Variants in CD163L1 observed in about 807,000 individuals in gnomAD.
CD163L1 encodes CD163 molecule like 1.
In CD163L1, 124 loss-of-function variants were observed where a neutral mutation model predicts 165.4. That is an observed-to-expected ratio of 0.75 (90% CI 0.65 to 0.87). CD163L1 has a LOEUF of 0.87. Among genes scored for constraint, CD163L1 ranks in the 40% least tolerant of loss-of-function variants. The pLI, the probability that CD163L1 is intolerant of heterozygous loss-of-function variation, is 0.00. For synonymous variants in CD163L1, 585 were observed against 662.2 expected, an observed-to-expected ratio of 0.88 and a Z score of 1.79; for missense variants, 1,525 against 1,799.9, an observed-to-expected ratio of 0.85 and a Z score of 2.76.
At chr12:7,410,208 G>T (rs1329693545) in intron 4 of CD163L1, among the ~76,000 whole-genome samples, 1 of 152,092 alleles carries the variant, frequency 6.6e-6, no homozygotes, top group Non-Finnish European at 1.5e-5. Flanking sequence ...GGAAAAAAAG[G>T]TTTCAAGAGG....
the CD163L1 span, among the ~76,000 whole-genome samples, chr12:7,340,352 C>T: frequency 6.6e-6 from 1 of 151,998 alleles, no homozygotes; most frequent in Admixed American, 6.6e-5. Flanking sequence ...TTTGGGTTGT[C>T]GCCTCCCCAC....
chr12:7,372,759 A>G lies in CD163L1; in HGVS notation c.3730+561T>C, dbSNP rs955606528. Among the ~76,000 whole-genome samples, 1 of 151,922 alleles carries G rather than the reference A, an allele frequency of 6.6e-6. No individual in the cohort carries two copies. Among genetic ancestry groups the G allele is most frequent in the Non-Finnish European group, 1.5e-5 (1 of 67,928 alleles). On this transcript the variant is annotated intron_variant, in intron 14 of 19. Transcript: ENST00000313599. This position sits in a 1 kb window ranked among gnomAD's most constrained non-coding sequence, Gnocchi z 4.2. Reference sequence around the variant, plus strand: ...TAGTTAATGTTTCTGAATATTAGTAATGGTTATTTTTGATAATCAGATTAA... The same window carrying G: ...TAGTTAATGTTTCTGAATATTAGTAGTGGTTATTTTTGATAATCAGATTAA...
the CD163L1 span, among the ~76,000 whole-genome samples, chr12:7,321,726 G>A: frequency 6.6e-6 from 1 of 152,200 alleles, no homozygotes; most frequent in Non-Finnish European, 1.5e-5. Context: ...TAAGGCTAGT[G>A]GTTAAAAGCT....
At chr12:7,420,134 T>C (rs773686757) in intron 4 of CD163L1, among the ~76,000 whole-genome samples, 1 of 152,188 alleles carries the variant, frequency 6.6e-6, no homozygotes, top group South Asian at 2.1e-4. Flanking sequence ...CAAATGGTAC[T>C]GGGATAATTG....
At chr12:7,378,008 T>C (rs535579906) in intron 9 of CD163L1, among the ~76,000 whole-genome samples, 49 of 152,286 alleles carry the variant, frequency 3.2e-4, no homozygotes, top group Middle Eastern at 3.4e-3. Flanking sequence ...CCCTCTTCAT[T>C]TGATGACTGC....
intron 4 of CD163L1, among the ~76,000 whole-genome samples, chr12:7,348,850 CTG>C (rs988480030): frequency 7.0e-6 from 1 of 142,048 alleles, no homozygotes; most frequent in African/African-American, 2.6e-5. Flanking sequence ...TTTTCAAAAA[CTG>C]AGTACTTTGG....
In CD163L1 at chr12:7,409,286, C is replaced by G. The variant is rs1948086786; in HGVS notation, c.767-2434G>C. Among the ~76,000 whole-genome samples the G allele has an allele frequency of 4.6e-5, 7 of 151,982 alleles. No homozygotes were observed. In the South Asian group the frequency reaches 1.5e-3, roughly 32 times the overall value. ...TGTATACTAATTTATGTAAAATCTGCCTAAATGTAGCACACAAAGTTCAGA... is the reference window on the plus strand; with the variant it reads ...TGTATACTAATTTATGTAAAATCTGGCTAAATGTAGCACACAAAGTTCAGA... On this transcript the variant is annotated intron_variant, in intron 4 of 19. Transcript: ENST00000313599.
At position 7,374,760 on chromosome 12, in the gene CD163L1, A is replaced by G; in HGVS notation, c.3095-4T>C. 2 of 1,613,726 alleles carry G rather than the reference A, an allele frequency of 1.2e-6. No individual in the cohort carries two copies. Among genetic ancestry groups the G allele is most frequent in the African/African-American group, 1.3e-5 (1 of 75,038 alleles). On this transcript the variant is annotated splice_region_variant and splice_polypyrimidine_tract_variant and intron_variant, in intron 12 of 19. Transcript: ENST00000313599. This position sits in a 1 kb window ranked among gnomAD's most constrained non-coding sequence, Gnocchi z 5.4. Reference sequence around the variant, plus strand: ...ACTAGGCGGAGCCGTTTGTCCTCTTAGAGGAGAAAGTCCAGTTAATAGGTC... The same window carrying G: ...ACTAGGCGGAGCCGTTTGTCCTCTTGGAGGAGAAAGTCCAGTTAATAGGTC...
At chr12:7,422,076 A>C (rs1350148370) in intron 4 of CD163L1, among the ~76,000 whole-genome samples, 3 of 152,094 alleles carry the variant, frequency 2.0e-5, no homozygotes, top group Non-Finnish European at 4.4e-5. Context: ...CTCTGGGACA[A>C]AGCTTCTAGA....
intron 2 of CD163L1, among the ~76,000 whole-genome samples, chr12:7,435,009 G>T (rs1202540966): frequency 2.6e-5 from 4 of 151,972 alleles, no homozygotes; most frequent in African/African-American, 7.2e-5. Flanking sequence ...TAGTTGAAAT[G>T]TGTGTGAGGG....
At position 7,347,220 on chromosome 12, in the gene CD163L1, T is replaced by A. The variant is rs890156789; in HGVS notation, c.*25-73A>T. On this transcript the variant is annotated intron_variant, in intron 4 of 4. Coordinates refer to the CD163L1 transcript ENST00000539726. This position sits in a 1 kb window ranked among gnomAD's most constrained non-coding sequence, Gnocchi z 4.2. ...TGTCTACAATTGCAATAGCTTTCAG[T>A]TCATTTCTCTAAAATTGTGTTTACT... 9 of 152,208 alleles carry A rather than the reference T, an allele frequency of 5.9e-5. No homozygotes were observed. The highest frequency in any genetic ancestry group is 8.8e-5 in the Non-Finnish European group (6 of 68,036). 9.4% of individuals were successfully genotyped at this position (152,208 alleles called of 1,614,324 possible). A position where few individuals can be genotyped will look rare whatever the true frequency, so the allele number is the denominator to read the frequency against.
intron 7 of CD163L1, 44 bp from the exon 8 acceptor site, chr12:7,396,459 T>C (rs1437980819): frequency 1.3e-6 from 2 of 1,509,942 alleles, no homozygotes; most frequent in Non-Finnish European, 1.8e-6. Flanking sequence ...GGTGTGATGG[T>C]TTATTTTATA....
intron 9 of CD163L1, 41 bp from the exon 10 acceptor site, chr12:7,376,055 C>T: frequency 6.4e-7 from 1 of 1,551,386 alleles, no homozygotes; most frequent in Non-Finnish European, 8.7e-7. Context: ...TAGGGTTTTC[C>T]AATATCTATC....
chr12:7,376,939 G>A (rs916371233), intron 9 of CD163L1, among the ~76,000 whole-genome samples: 1 of 152,068 alleles, frequency 6.6e-6, no homozygotes, highest in Non-Finnish European at 1.5e-5. Context: ...GATGTATCAG[G>A]TTAAATCAGT....
At position 7,394,107 on chromosome 12, in the gene CD163L1, AAAAAAAC is replaced by A. The variant is rs1254103420; in HGVS notation, c.2050+1981_2050+1987del. Among the ~76,000 whole-genome samples, 1,466 of 147,234 alleles carry A rather than the reference AAAAAAAC, an allele frequency of 1.0e-2. 28 individuals carry two copies. Among genetic ancestry groups the A allele is most frequent in the African/African-American group, 0.036 (1,361 of 37,948 alleles). On this transcript the variant is annotated intron_variant, in intron 8 of 19. Transcript: ENST00000313599. ...TATGGAACCAAAAAAAAACAAAAAC[AAAAAAAC>A]AAAAAAAAAATCACATAGCCAAGAC...
At position 7,425,157 on chromosome 12, in the gene CD163L1, C is replaced by A. The variant is rs748477830; in HGVS notation, c.766+7259G>T. 5.9e-5 allele frequency among the ~76,000 whole-genome samples: 9 copies of A among 152,272 alleles called. No homozygotes were observed. The East Asian group carries it at 1.7e-3, about 29-fold the overall frequency. On this transcript the variant is annotated intron_variant, in intron 4 of 19. Coordinates refer to ENST00000313599, the MANE Select transcript of CD163L1 (RefSeq NM_174941.6). ...AGAAATATAGACCAATGGAATAGAA[C>A]AGAGGCCTCAGAAAGAACACAACAC... is the stretch of plus-strand genomic sequence containing the variant.
chr12:7,429,621 T>G (rs1486642438), intron 4 of CD163L1, among the ~76,000 whole-genome samples: 2 of 152,206 alleles, frequency 1.3e-5, no homozygotes, highest in East Asian at 3.9e-4. Context: ...TCACCTCTTT[T>G]TTCACTTCTC....
At chr12:7,348,286 G>A (rs1346901333) in intron 4 of CD163L1, among the ~76,000 whole-genome samples, 1 of 152,198 alleles carries the variant, frequency 6.6e-6, no homozygotes, top group Non-Finnish European at 1.5e-5. Flanking sequence ...TCATTGGTGA[G>A]ACCCAGTCAC....
chr12:7,432,821 C>G lies in CD163L1; in HGVS notation c.446-85G>C. On this transcript the variant is annotated intron_variant, in intron 3 of 19. Transcript: ENST00000313599. This position sits in a 1 kb window ranked among gnomAD's most constrained non-coding sequence, Gnocchi z 4.2. ...TCAAAAGGATACGTAGAAGACAGCC[C>G]TGTTATGAATGAAGTTACCAAAAAT... 8.5e-7 allele frequency: 1 copy of G among 1,170,404 alleles called. No individual in the cohort carries two copies. Among genetic ancestry groups the G allele is most frequent in the Middle Eastern group, 2.1e-4 (1 of 4,836 alleles). 72.5% of individuals were successfully genotyped at this position (1,170,404 alleles called of 1,614,324 possible). A position where few individuals can be genotyped will look rare whatever the true frequency, so the allele number is the denominator to read the frequency against.
Sources: gnomAD v4.1 joint callset for allele counts (sites outside exome capture counted in the v4.1 genomes callset) on GRCh38, gnomAD v4.1.1 for gene constraint, Gnocchi (gnomAD v3.1) non-coding constraint, MANE v1.5 for transcripts, NCBI Gene and HGNC (gene_info 2026-07-23, HGNC 2026-07-21) for gene names.